GPHN: variants seen among roughly 807,000 people sequenced by gnomAD.
GPHN encodes gephyrin.
GPHN carries 17 observed loss-of-function variants against 95.5 expected under a neutral mutation model. The ratio of observed to expected loss-of-function variants is 0.18; its 90% CI spans 0.12 to 0.27. GPHN has a LOEUF of 0.27. Ranked by LOEUF, GPHN falls within the 10% of genes least tolerant of loss-of-function variation. The pLI is 1.00. For synonymous variants in GPHN, 320 were observed against 322.5 expected (o/e 0.99, Z 0.08); for missense variants, 660 against 978.1 (o/e 0.67, Z 4.34).
At chr14:67,283,567 C>T in the GPHN span, among the ~76,000 whole-genome samples, 1 of 152,042 alleles carries the variant, frequency 6.6e-6, no homozygotes, top group Non-Finnish European at 1.5e-5. Flanking sequence ...CAGATATTTC[C>T]AAATAAATGT....
At chr14:66,646,696 A>G (rs7156021) in intron 1 of GPHN, among the ~76,000 whole-genome samples, 49,660 of 151,944 alleles carry the variant, frequency 0.33, 11,955 homozygotes, top group African/African-American at 0.65. Flanking sequence ...ATAAAAACAG[A>G]ATGTAGAATG....
chr14:67,390,144 G>A, the GPHN span, among the ~76,000 whole-genome samples: 5 of 152,134 alleles, frequency 3.3e-5, no homozygotes, highest in Non-Finnish European at 4.4e-5. Flanking sequence ...GTAATACCTA[G>A]TATCAGAAAC....
chr14:67,430,475 T>A, the GPHN span, among the ~76,000 whole-genome samples: 15 of 152,200 alleles, frequency 9.9e-5, no homozygotes, highest in African/African-American at 3.6e-4. Context: ...AGAAAGAGCC[T>A]TCCCACGTGG....
the GPHN span, chr14:67,659,957 G>A: frequency 1.3e-6 from 2 of 1,591,416 alleles, no homozygotes; most frequent in African/African-American, 2.7e-5. Flanking sequence ...AGATAGCCTG[G>A]TTCTTCCCTC....
intron 9 of GPHN, among the ~76,000 whole-genome samples, chr14:67,001,943 A>G (rs1160334823): frequency 6.6e-6 from 1 of 151,612 alleles, no homozygotes; most frequent in Non-Finnish European, 1.5e-5. Context: ...TTACTCCTAA[A>G]CATGCATTTG....
At chr14:66,793,817 T>C (rs2060061137) in intron 3 of GPHN, among the ~76,000 whole-genome samples, 1 of 152,108 alleles carries the variant, frequency 6.6e-6, no homozygotes. Context: ...ATTAAAATAT[T>C]ACACTAGAAA....
intron 2 of GPHN, among the ~76,000 whole-genome samples, chr14:66,700,800 A>G (rs1010033465): frequency 5.3e-5 from 8 of 152,076 alleles, no homozygotes; most frequent in South Asian, 2.1e-4. Context: ...GCGTGCGCCT[A>G]TAGTCCCAGC....
the GPHN span, among the ~76,000 whole-genome samples, chr14:67,521,467 T>C: frequency 6.6e-6 from 1 of 152,182 alleles, no homozygotes. Context: ...TATGTCCATG[T>C]GGGAAAGGGG....
At chr14:66,740,045 G>C (rs1008478796) in intron 2 of GPHN, among the ~76,000 whole-genome samples, 9 of 151,964 alleles carry the variant, frequency 5.9e-5, no homozygotes, top group Non-Finnish European at 1.2e-4. Context: ...GTGAATAATA[G>C]GCTAAAAGAA....
the GPHN span, chr14:67,578,179 C>G: frequency 4.2e-5 from 67 of 1,613,910 alleles, no homozygotes; most frequent in Middle Eastern, 2.3e-3. The surrounding 1 kb of genome is among the most constrained non-coding windows in gnomAD (Gnocchi z 5.0). Context: ...CCGCCCACCT[C>G]AGAAGTACTC....
intron 2 of GPHN, 132 bp downstream of exon 2, chr14:66,681,317 C>T: frequency 1.5e-6 from 1 of 653,010 alleles, no homozygotes; most frequent in Non-Finnish European, 2.7e-6. Flanking sequence ...GCGTTTTACA[C>T]ATATTGAAGT....
chr14:67,207,527 A>C, the GPHN span, among the ~76,000 whole-genome samples: 1 of 152,006 alleles, frequency 6.6e-6, no homozygotes. Context: ...TGAGATTTTC[A>C]AGTGACAAAA....
At chr14:67,351,544 T>C in the GPHN span, among the ~76,000 whole-genome samples, 1 of 152,234 alleles carries the variant, frequency 6.6e-6, no homozygotes, top group African/African-American at 2.4e-5. Context: ...GGTCTTACTT[T>C]GTTGCCTGGG....
At chr14:67,122,557 T>G (rs150325330) in intron 17 of GPHN, among the ~76,000 whole-genome samples, 180 bp downstream of exon 17, 10 of 152,362 alleles carry the variant, frequency 6.6e-5, no homozygotes, top group South Asian at 2.1e-4. Flanking sequence ...AAAGATTTCT[T>G]GGAATGTCTC....
chr14:67,427,781 G>A, the GPHN span, among the ~76,000 whole-genome samples: 2 of 152,104 alleles, frequency 1.3e-5, no homozygotes, highest in African/African-American at 2.4e-5. Flanking sequence ...AGTCTCCTCA[G>A]GCCCCCCTGC....
intron 4 of GPHN, among the ~76,000 whole-genome samples, chr14:66,836,748 A>G (rs1310186090): frequency 2.0e-5 from 3 of 151,558 alleles, no homozygotes; most frequent in Admixed American, 6.6e-5. Context: ...AATTTACAAG[A>G]AAAAAACAAA....
In GPHN at chr14:67,122,487, T is replaced by C. The variant is rs2079068680; in HGVS notation, c.1748+110T>C. On this transcript the variant is annotated intron_variant, in intron 17 of 22. Transcript: ENST00000478722. Reference sequence around the variant, plus strand: ...GAGACAGAAATTTAATGTCATAATTTTCACTTATCTCATTCTTCAGAAGCC... The same window carrying C: ...GAGACAGAAATTTAATGTCATAATTCTCACTTATCTCATTCTTCAGAAGCC... 2.1e-5 allele frequency: 19 copies of C among 907,838 alleles called. No homozygotes were observed. The South Asian group carries it at 2.6e-4, about 12-fold the overall frequency. The allele number at this position is 907,838 out of a possible 1,614,324, so 56.2% of individuals were successfully genotyped here.
At chr14:66,930,361 A>C (rs1025331054) in intron 8 of GPHN, among the ~76,000 whole-genome samples, 11 of 151,898 alleles carry the variant, frequency 7.2e-5, no homozygotes, top group Non-Finnish European at 1.5e-4. Context: ...ATACTATCTT[A>C]TAACCCATTA....
intron 3 of GPHN, among the ~76,000 whole-genome samples, chr14:66,791,662 T>C (rs1166246059): frequency 6.6e-6 from 1 of 152,220 alleles, no homozygotes; most frequent in Non-Finnish European, 1.5e-5. Context: ...TGCATTACAA[T>C]TAGTTTATAA....
Sources: gnomAD v4.1 joint callset for allele counts (sites outside exome capture counted in the v4.1 genomes callset) on GRCh38, gnomAD v4.1.1 for gene constraint, Gnocchi (gnomAD v3.1) non-coding constraint, MANE v1.5 for transcripts, NCBI Gene and HGNC (gene_info 2026-07-23, HGNC 2026-07-21) for gene names.